Variants in IL12B observed in about 807,000 individuals in gnomAD.
IL12B encodes the protein interleukin-12 subunit beta.
A neutral mutation model predicts 39.2 loss-of-function variants in IL12B; 27 were observed. The ratio of observed to expected loss-of-function variants is 0.69; its 90% CI spans 0.51 to 0.95. The LOEUF (loss-of-function observed/expected upper bound fraction) is 0.95, where lower values mean the gene tolerates loss of function less well. Ranked by LOEUF, IL12B falls within the 40% of genes least tolerant of loss-of-function variation. The pLI is 0.00. For synonymous variants in IL12B, 142 were observed against 152.1 expected (o/e 0.93, Z 0.49); for missense variants, 351 against 397.6 (o/e 0.88, Z 1.00).
At chr5:159,321,596 T>A (rs1207407144) in intron 4 of IL12B, among the ~76,000 whole-genome samples, 1 of 152,180 alleles carries the variant, frequency 6.6e-6, no homozygotes, top group East Asian at 1.9e-4. Context: ...GGTTATCCAC[T>A]TCAATGACTG....
rs1753996066 is a variant in IL12B, at chr5:159,316,730, G to C, written c.942C>G (p.Tyr314Ter). ...CCCATTCGCTCCAAGATGAGCTATA[G>C]TAGCGGTCCTGGGCCCGCACGCTAA... ...ASISVRAQDRYYSSSWSEWAS... is the reference protein window; with the variant it reads ...ASISVRAQDR The change falls in exon 7 of 8, where the codon TAC (tyrosine) becomes TAG (stop). Residue 314 changes from tyrosine to a stop codon, truncating the protein, a stop_gained. Transcript: ENST00000231228. LOFTEE classifies it high-confidence loss of function. 1 of 1,614,110 alleles carries C rather than the reference G, an allele frequency of 6.2e-7. No individual in the cohort carries two copies. Among genetic ancestry groups the C allele is most frequent in the Non-Finnish European group, 8.5e-7 (1 of 1,180,022 alleles).
intron 6 of IL12B, among the ~76,000 whole-genome samples, chr5:159,318,357 A>G (rs534996668): frequency 8.5e-5 from 13 of 152,354 alleles, no homozygotes; most frequent in African/African-American, 2.6e-4. Flanking sequence ...AAGAAGGATC[A>G]CATATATGAC....
Position 159,323,034 on chromosome 5 carries a change from A to C in IL12B, c.364+20T>G. 6.2e-7 allele frequency: 1 copy of C among 1,611,932 alleles called. No individual in the cohort carries two copies. ...ATGAGCGAAAGAGAAAATTGATACTATCCAAGGGTATAGAATTACCTTTCT... is the reference window on the plus strand; with the variant it reads ...ATGAGCGAAAGAGAAAATTGATACTCTCCAAGGGTATAGAATTACCTTTCT... On this transcript the variant is annotated intron_variant, in intron 3 of 7. Coordinates refer to ENST00000231228, the MANE Select transcript of IL12B (RefSeq NM_002187.3).
At chr5:159,326,992 C>G (rs1259783850) in intron 1 of IL12B, among the ~76,000 whole-genome samples, 1 of 152,078 alleles carries the variant, frequency 6.6e-6, no homozygotes, top group East Asian at 1.9e-4. Flanking sequence ...AGTTCTATGG[C>G]AGTCTGTGGG....
At chr5:159,317,935 TTA>T (rs1754016167) in intron 6 of IL12B, 1 of 152,334 alleles carries the variant, frequency 6.6e-6, no homozygotes, top group African/African-American at 2.4e-5. Flanking sequence ...CAGATTGAGT[TTA>T]TGTCTTGGTT....
intron 6 of IL12B, 96 bp downstream of exon 6, chr5:159,318,640 G>T (rs981937590): frequency 2.7e-6 from 3 of 1,104,504 alleles, no homozygotes; most frequent in Non-Finnish European, 4.2e-6. Flanking sequence ...AGTGATACAT[G>T]GATGTCATTG....
intron 1 of IL12B, among the ~76,000 whole-genome samples, chr5:159,327,316 A>T (rs1754207944): frequency 6.6e-6 from 1 of 152,174 alleles, no homozygotes; most frequent in South Asian, 2.1e-4. Flanking sequence ...AGCTGGGGAG[A>T]TGAGCCATAC....
chr5:159,318,782 G>A lies in IL12B; in HGVS notation c.809C>T (p.Ser270Phe), dbSNP rs762049572. The change falls in exon 6 of 8, where the codon TCC becomes TTC. Residue 270 changes from serine (S) to phenylalanine (F), a missense_variant. By Grantham distance (155) the Ser-to-Phe change is radical. Coordinates refer to ENST00000231228, the MANE Select transcript of IL12B (RefSeq NM_002187.3). ...CTGGACCTGAACGCAGAATGTCAGG[G>A]AGAAGTAGGAATGTGGAGTACTCCA... is the stretch of plus-strand genomic sequence containing the variant. ...DTWSTPHSYF[S>F]LTFCVQVQGK... is the part of the protein sequence containing the mutation. 6.2e-7 allele frequency: 1 copy of A among 1,614,072 alleles called. No individual in the cohort carries two copies. Among genetic ancestry groups the A allele is most frequent in the Non-Finnish European group, 8.5e-7 (1 of 1,180,044 alleles).
intron 6 of IL12B, 93 bp from the exon 7 acceptor site, chr5:159,316,909 A>C: frequency 1.4e-6 from 2 of 1,434,278 alleles, no homozygotes; most frequent in Non-Finnish European, 2.0e-6. Flanking sequence ...CTCCCAAAAC[A>C]AGCCCATCTT....
rs1261323457 is a variant in IL12B, at chr5:159,316,665, G to T, written c.*20C>A. The T allele has an allele frequency of 6.2e-7, 1 of 1,607,636 alleles. No homozygotes were observed. Among genetic ancestry groups the T allele is most frequent in the Non-Finnish European group, 8.5e-7 (1 of 1,176,998 alleles). ...GCACTGAGAGTGCAGGCCTGGGCTG[G>T]CCTTTGAGGGCCTGCTCACCTAACT... On this transcript the variant is annotated intron_variant, in intron 7 of 7. Coordinates refer to ENST00000231228, the MANE Select transcript of IL12B (RefSeq NM_002187.3).
chr5:159,323,130 A>C lies in IL12B; in HGVS notation c.288T>G (p.Val96=). Residue 96 remains valine (V), a synonymous_variant, in exon 3 of 8, where the codon GTT becomes GTG. Transcript: ENST00000231228. The part of the protein sequence containing the change: ...GQYTCHKGGE[V]LSHSLLLLHK... The stretch of plus-strand genomic sequence containing the variant: ...GAAGCAGCAGGAGCGAATGGCTTAG[A>C]ACCTCGCCTCCTTTGTGACAGGTGT... 2 of 1,614,156 alleles carry C rather than the reference A, an allele frequency of 1.2e-6. No homozygotes were observed. The highest frequency in any genetic ancestry group is 1.7e-6 in the Non-Finnish European group (2 of 1,179,992).
In IL12B at chr5:159,321,990, GGGC is replaced by G. The variant is rs139106681; in HGVS notation, c.482+401_482+403del. Among the ~76,000 whole-genome samples the G allele has an allele frequency of 6.8e-3, 1,036 of 152,182 alleles. 17 individuals are homozygous for G. Among genetic ancestry groups the G allele is most frequent in the African/African-American group, 0.023 (965 of 41,494 alleles). ...TCATCGAGTTTTGGAGTCTGCTTCAGGGCCCCTAAGATCTACGCCCTGGAGCTC... is the reference window on the plus strand; with the variant it reads ...TCATCGAGTTTTGGAGTCTGCTTCAGCCCTAAGATCTACGCCCTGGAGCTC... On this transcript the variant is annotated intron_variant, in intron 4 of 7. Coordinates refer to ENST00000231228, the MANE Select transcript of IL12B (RefSeq NM_002187.3).
intron 3 of IL12B, 109 bp from the exon 4 acceptor site, chr5:159,322,620 C>A: frequency 2.6e-6 from 2 of 773,382 alleles, no homozygotes; most frequent in South Asian, 1.4e-5. Context: ...TTCTTCCATG[C>A]GTTGCCTCTT....
At position 159,318,703 on chromosome 5, in the gene IL12B, C is replaced by T. The variant is rs1360834884; in HGVS notation, c.855+33G>A. The stretch of plus-strand genomic sequence containing the variant: ...TATGGTGGGCCTCCGTAAAACTGAC[C>T]AAGGAATATACTGCACCTGAATCAC... On this transcript the variant is annotated intron_variant, in intron 6 of 7. Coordinates refer to ENST00000231228, the MANE Select transcript of IL12B (RefSeq NM_002187.3). The T allele has an allele frequency of 1.9e-5, 31 of 1,610,424 alleles. 1 individual carries two copies. Among genetic ancestry groups the T allele is most frequent in the Non-Finnish European group, 2.5e-5 (29 of 1,176,686 alleles).
chr5:159,320,639 G>T, intron 4 of IL12B, 119 bp from the exon 5 acceptor site: 1 of 843,304 alleles, frequency 1.2e-6, no homozygotes, highest in Non-Finnish European at 2.0e-6. Context: ...TTCTCCAACT[G>T]GGCTGATTTC....
Position 159,322,514 on chromosome 5 carries a change from G to A in IL12B, c.365-3C>T. The A allele has an allele frequency of 1.9e-6, 3 of 1,599,258 alleles. No homozygotes were observed. The African/African-American group carries it at 4.0e-5, about 21-fold the overall frequency. Reference sequence around the variant, plus strand: ...TAGAAAGGTCTTATTTTTGGGTTCTGGATTTGAAAAAAACAAAAATTCAAT... The same window carrying A: ...TAGAAAGGTCTTATTTTTGGGTTCTAGATTTGAAAAAAACAAAAATTCAAT... On this transcript the variant is annotated splice_region_variant and splice_polypyrimidine_tract_variant and intron_variant, in intron 3 of 7. Transcript: ENST00000231228.
chr5:159,326,249 G>A (rs1754185847), intron 2 of IL12B, among the ~76,000 whole-genome samples: 1 of 152,180 alleles, frequency 6.6e-6, no homozygotes, highest in Non-Finnish European at 1.5e-5. Context: ...GTCAATGTGA[G>A]TCTGAATCCT....
intron 2 of IL12B, among the ~76,000 whole-genome samples, chr5:159,324,095 CATTATT>C (rs59737069): frequency 2.7e-5 from 4 of 150,348 alleles, no homozygotes; most frequent in Non-Finnish European, 4.4e-5. Flanking sequence ...ATTCTCTCTG[CATTATT>C]ATTATTATTA....
In IL12B at chr5:159,315,509, C is replaced by T. The variant is rs977256249; in HGVS notation, c.*592G>A. 4 of 152,432 alleles carry T rather than the reference C, an allele frequency of 2.6e-5. No homozygotes were observed. The highest frequency in any genetic ancestry group is 9.6e-5 in the African/African-American group (4 of 41,454). The allele number at this position is 152,432 out of a possible 1,614,324, so 9.4% of individuals were successfully genotyped here. A position where few individuals can be genotyped will look rare whatever the true frequency, so the allele number is the denominator to read the frequency against. On this transcript the variant is annotated 3_prime_UTR_variant, in exon 8 of 8. Transcript: ENST00000231228. ...TAAATTGCTTTATCAACACCATCTCCAGGAAGTCTTCACAGACATGGGAAC... is the reference window on the plus strand; with the variant it reads ...TAAATTGCTTTATCAACACCATCTCTAGGAAGTCTTCACAGACATGGGAAC...
Sources: allele counts gnomAD v4.1 joint callset (sites outside exome capture counted in the v4.1 genomes callset), GRCh38; gene constraint gnomAD v4.1.1; transcripts MANE v1.5; gene names NCBI Gene and HGNC (gene_info 2026-07-23, HGNC 2026-07-21).